Variants in DOK6 observed in about 807,000 individuals in gnomAD.
DOK6 encodes downstream of tyrosine kinase 6.
In DOK6, 22 loss-of-function variants were observed where a neutral mutation model predicts 44.0. The observed-to-expected ratio is 0.50, with a 90% confidence interval of 0.36 to 0.71. The LOEUF (loss-of-function observed/expected upper bound fraction) is 0.71. Among genes scored for constraint, DOK6 ranks in the 30% least tolerant of loss-of-function variants. DOK6 has a pLI of 0.00. For synonymous variants in DOK6, 166 were observed against 145.5 expected, an observed-to-expected ratio of 1.14 and a Z score of -1.01; for missense variants, 340 against 416.4, an observed-to-expected ratio of 0.82 and a Z score of 1.60.
intron 4 of DOK6, among the ~76,000 whole-genome samples, chr18:69,689,054 T>A (rs114393498): frequency 5.3e-4 from 80 of 152,118 alleles, no homozygotes; most frequent in African/African-American, 1.9e-3. Context: ...GAAAGTGCCA[T>A]CAAAAAATTA....
intron 1 of DOK6, among the ~76,000 whole-genome samples, chr18:69,404,786 GGTGTGTGT>G (rs59807127): frequency 0.012 from 1,873 of 149,886 alleles, 18 homozygotes; most frequent in Non-Finnish European, 0.019. Flanking sequence ...AGGATAGGGT[GGTGTGTGT>G]GTGTGTGTGT....
At position 69,793,404 on chromosome 18, in the gene DOK6, G is replaced by A. The variant is rs559735334; in HGVS notation, c.856+35531G>A. ...CATAAAGAAAGTGTTGGCTAATGGT[G>A]AGATCAAGGTGTTGACAGAAAGGCC... On this transcript the variant is annotated intron_variant, in intron 7 of 7. Coordinates refer to ENST00000382713, the MANE Select transcript of DOK6 (RefSeq NM_152721.6). Among the ~76,000 whole-genome samples, 60 of 152,284 alleles carry A rather than the reference G, an allele frequency of 3.9e-4. No homozygotes were observed. The South Asian group carries it at 0.012, about 31-fold the overall frequency.
intron 6 of DOK6, among the ~76,000 whole-genome samples, chr18:69,754,925 G>A (rs946156197): frequency 1.3e-5 from 2 of 152,144 alleles, no homozygotes; most frequent in Non-Finnish European, 2.9e-5. Flanking sequence ...AGGTACACAT[G>A]GGGAATGGAC....
At chr18:69,753,579 C>T (rs1483775247) in intron 6 of DOK6, among the ~76,000 whole-genome samples, 1 of 152,190 alleles carries the variant, frequency 6.6e-6, no homozygotes, top group Non-Finnish European at 1.5e-5. Flanking sequence ...AGAAAACTGA[C>T]TGCTGTTTCA....
chr18:69,615,158 C>T (rs1984256381), intron 3 of DOK6, among the ~76,000 whole-genome samples: 1 of 152,094 alleles, frequency 6.6e-6, no homozygotes. Flanking sequence ...CAAATAATAG[C>T]TGGTATGTAT....
intron 1 of DOK6, among the ~76,000 whole-genome samples, chr18:69,517,947 T>C (rs1837427473): frequency 6.6e-6 from 1 of 152,132 alleles, no homozygotes. Flanking sequence ...GCACTACAGC[T>C]GCCTCCCCTA....
chr18:69,675,852 A>G (rs1985909911), intron 3 of DOK6, among the ~76,000 whole-genome samples: 1 of 152,224 alleles, frequency 6.6e-6, no homozygotes, highest in African/African-American at 2.4e-5. Flanking sequence ...TACGTTCAAT[A>G]TATGCTTTTG....
chr18:69,431,149 A>G (rs1978796517), intron 1 of DOK6, among the ~76,000 whole-genome samples: 1 of 152,200 alleles, frequency 6.6e-6, no homozygotes, highest in East Asian at 1.9e-4. Flanking sequence ...TAGTTATTGC[A>G]GCGTCTAGGG....
intron 1 of DOK6, among the ~76,000 whole-genome samples, chr18:69,512,098 CCA>C (rs1335443268): frequency 7.4e-6 from 1 of 135,544 alleles, no homozygotes; most frequent in African/African-American, 2.7e-5. Flanking sequence ...ACGCACCCCC[CCA>C]CACACAATCT....
intron 1 of DOK6, among the ~76,000 whole-genome samples, chr18:69,538,172 G>A (rs1599179969): frequency 6.6e-6 from 1 of 152,122 alleles, no homozygotes; most frequent in East Asian, 1.9e-4. Flanking sequence ...GAAATGTTAT[G>A]CTGAAATATG....
At chr18:69,577,628 G>A (rs553293567) in intron 2 of DOK6, among the ~76,000 whole-genome samples, 1 of 152,090 alleles carries the variant, frequency 6.6e-6, no homozygotes, top group Non-Finnish European at 1.5e-5. Flanking sequence ...TTTTATTTTG[G>A]ATGAAGAGCA....
At chr18:69,739,695 A>C (rs1978735828) in intron 6 of DOK6, among the ~76,000 whole-genome samples, 1 of 152,214 alleles carries the variant, frequency 6.6e-6, no homozygotes, top group Admixed American at 6.5e-5. Context: ...TAATATGACA[A>C]GCTGAAAAAT....
At chr18:69,560,518 T>C (rs1253201406) in intron 1 of DOK6, among the ~76,000 whole-genome samples, 4 of 152,178 alleles carry the variant, frequency 2.6e-5, no homozygotes, top group Admixed American at 2.0e-4. Flanking sequence ...GTGTATTCAA[T>C]GGAATAAACG....
intron 1 of DOK6, among the ~76,000 whole-genome samples, chr18:69,563,678 C>T (rs1277906893): frequency 6.6e-6 from 1 of 151,420 alleles, no homozygotes; most frequent in East Asian, 2.0e-4. Context: ...GGAAGGATAG[C>T]ATTAGGAGAT....
intron 1 of DOK6, among the ~76,000 whole-genome samples, chr18:69,444,399 T>C (rs1253240231): frequency 6.6e-6 from 1 of 152,150 alleles, no homozygotes; most frequent in African/African-American, 2.4e-5. Context: ...AAGGGCACCA[T>C]ATGGACTTGA....
chr18:69,758,218 T>A (rs909783311), intron 7 of DOK6, among the ~76,000 whole-genome samples: 1 of 152,226 alleles, frequency 6.6e-6, no homozygotes, highest in Non-Finnish European at 1.5e-5. Context: ...TTTTTTCGCA[T>A]CTTTTTTTCC....
At chr18:69,808,082 C>G (rs902799836) in intron 7 of DOK6, among the ~76,000 whole-genome samples, 2 of 151,790 alleles carry the variant, frequency 1.3e-5, no homozygotes, top group East Asian at 3.9e-4. Context: ...GGACTGAAAT[C>G]CTGTCAAGTC....
intron 3 of DOK6, among the ~76,000 whole-genome samples, chr18:69,614,221 G>T (rs576275897): frequency 6.6e-6 from 1 of 151,822 alleles, no homozygotes; most frequent in Admixed American, 6.6e-5. Flanking sequence ...TTTTCCAGAG[G>T]AATCTCTGTA....
chr18:69,591,574 T>C (rs557110064), intron 2 of DOK6, among the ~76,000 whole-genome samples: 1 of 150,342 alleles, frequency 6.7e-6, no homozygotes. Flanking sequence ...AACTGGACTT[T>C]TCTGAAGAGA....
Sources: allele counts gnomAD v4.1 joint callset (sites outside exome capture counted in the v4.1 genomes callset), GRCh38; gene constraint gnomAD v4.1.1; transcripts MANE v1.5; gene names NCBI Gene and HGNC (gene_info 2026-07-23, HGNC 2026-07-21).